Variants in RBM45 observed in about 807,000 individuals in gnomAD.
The protein encoded by RBM45 is RNA-binding protein 45.
RBM45 carries 39 observed loss-of-function variants against 58.5 expected under a neutral mutation model. The observed-to-expected ratio is 0.67, with a 90% CI of 0.52 to 0.87. The LOEUF (loss-of-function observed/expected upper bound fraction) is 0.87, where lower values mean the gene tolerates loss of function less well. RBM45 is among the 40% of genes least tolerant of loss of function. The pLI is 0.00. For synonymous variants in RBM45, 193 were observed against 203.0 expected (o/e 0.95, Z 0.42); for missense variants, 481 against 581.6 (o/e 0.83, Z 1.78).
intron 2 of RBM45, 46 bp from the exon 3 acceptor site, chr2:178,118,009 C>A: frequency 1.4e-6 from 2 of 1,474,752 alleles, no homozygotes; most frequent in South Asian, 1.5e-5. Context: ...ATACTCTGTT[C>A]AATTAATTTT....
At chr2:178,120,219 A>G in intron 3 of RBM45, 68 bp from the exon 4 acceptor site, 1 of 1,589,528 alleles carries the variant, frequency 6.3e-7, no homozygotes, top group South Asian at 1.1e-5. Context: ...GTCAGGCACT[A>G]GCAATCAAGT....
At chr2:178,119,601 T>C (rs13006877) in intron 3 of RBM45, among the ~76,000 whole-genome samples, 66,232 of 152,114 alleles carry the variant, frequency 0.44, 15,836 homozygotes, top group East Asian at 0.66. Flanking sequence ...CTAACCCCAC[T>C]GTATTAATGA....
exon 4 of RBM45, chr2:178,138,126 C>T (rs1347427282): frequency 6.6e-6 from 1 of 152,176 alleles, no homozygotes; most frequent in Non-Finnish European, 1.5e-5. Flanking sequence ...AACTACTTTT[C>T]AGAATCCTGT....
At chr2:178,131,271 A>C (rs889007925), downstream of RBM45, among the ~76,000 whole-genome samples, 4 of 152,250 alleles carry the variant, frequency 2.6e-5, no homozygotes, top group Admixed American at 2.6e-4. Flanking sequence ...CCATGTAACT[A>C]ATGCTTGAAT....
intron 6 of RBM45, 23 bp downstream of exon 6, chr2:178,123,674 C>T: frequency 1.3e-6 from 2 of 1,590,926 alleles, no homozygotes; most frequent in African/African-American, 2.7e-5. Context: ...CCAGGAGTGT[C>T]TAAAGCCGAG....
At chr2:178,137,386 A>C (rs772653336) in exon 4 of RBM45, 4 of 152,202 alleles carry the variant, frequency 2.6e-5, no homozygotes, top group Non-Finnish European at 4.4e-5. Context: ...GCATATATCC[A>C]ACAAAGATGT....
At chr2:178,135,358 C>G (rs1421370026) in intron 3 of RBM45, among the ~76,000 whole-genome samples, 3 of 152,224 alleles carry the variant, frequency 2.0e-5, no homozygotes, top group African/African-American at 4.8e-5. Flanking sequence ...TCACCAACTC[C>G]TACCAGGATT....
At chr2:178,130,940 A>T (rs966913200), downstream of RBM45, among the ~76,000 whole-genome samples, 5 of 152,148 alleles carry the variant, frequency 3.3e-5, no homozygotes, top group African/African-American at 1.2e-4. Context: ...GAGGCAGAGG[A>T]TGTATTTTAA....
chr2:178,135,931 A>G (rs1043134923), intron 3 of RBM45, among the ~76,000 whole-genome samples: 4 of 152,240 alleles, frequency 2.6e-5, no homozygotes, highest in African/African-American at 9.6e-5. Flanking sequence ...AATTTCTACT[A>G]AATAGAAATT....
chr2:178,133,112 C>T (rs1020319148), downstream of RBM45, among the ~76,000 whole-genome samples: 14 of 152,112 alleles, frequency 9.2e-5, no homozygotes, highest in African/African-American at 2.7e-4. Flanking sequence ...AAGTTGTTTC[C>T]TAGTCTTTTT....
chr2:178,124,887 G>A (rs1298522701), intron 8 of RBM45, among the ~76,000 whole-genome samples: 2 of 152,036 alleles, frequency 1.3e-5, no homozygotes, highest in Non-Finnish European at 2.9e-5. Flanking sequence ...TTATGCAGTC[G>A]CATTGTGTAA....
chr2:178,115,882 G>A (rs2087766830), intron 1 of RBM45, among the ~76,000 whole-genome samples: 1 of 152,130 alleles, frequency 6.6e-6, no homozygotes, highest in African/African-American at 2.4e-5. Context: ...GCCCAGCACA[G>A]TGGCTCACAC....
rs1200895660 is a variant in RBM45 at position 178,123,932 on chromosome 2, A to G, written c.1068+20A>G. On this transcript the variant is annotated intron_variant, in intron 7 of 9. Transcript: ENST00000286070. ...TTTATGGTAAGTAGGTAAGAATTTA[A>G]CCTTTATAATATATCAATAGCATAT... is the stretch of plus-strand genomic sequence containing the variant. 4.4e-6 allele frequency: 7 copies of G among 1,592,564 alleles called. No individual in the cohort carries two copies. The South Asian group carries it at 7.7e-5, about 18-fold the overall frequency.
downstream of RBM45, among the ~76,000 whole-genome samples, chr2:178,130,034 G>A (rs938121072): frequency 1.3e-5 from 2 of 152,064 alleles, no homozygotes; most frequent in African/African-American, 4.8e-5. Context: ...ATTTTGTGAA[G>A]CTCTAAGATT....
chr2:178,112,802 A>T lies in RBM45; in HGVS notation c.256A>T (p.Met86Leu), dbSNP rs756208284. The change falls in exon 1 of 10, where the codon ATG (methionine) becomes TTG (leucine). Residue 86 changes from methionine to leucine, a missense_variant. Met to Leu is a conservative substitution (Grantham distance 15, BLOSUM62 2). Transcript: ENST00000286070. Reference sequence around the variant, plus strand: ...ACAGGCCTGCAGGGCCATGGAGGAGATGCATGGCCAGTGCCTCGGCCCCAA... The same window carrying T: ...ACAGGCCTGCAGGGCCATGGAGGAGTTGCATGGCCAGTGCCTCGGCCCCAA... ...SSQACRAMEE[M>L]HGQCLGPNDT... 4 of 1,612,956 alleles carry T rather than the reference A, an allele frequency of 2.5e-6. No homozygotes were observed. In the South Asian group the frequency reaches 4.4e-5, roughly 18 times the overall value.
intron 8 of RBM45, chr2:178,125,598 G>A (rs932586536): frequency 2.3e-5 from 9 of 386,406 alleles, no homozygotes; most frequent in African/African-American, 1.3e-4. Flanking sequence ...ATGTCAGAAC[G>A]GCTCTAGAGC....
At chr2:178,116,236 T>G (rs1234132525) in intron 1 of RBM45, 26 bp from the exon 2 acceptor site, 4 of 1,546,474 alleles carry the variant, frequency 2.6e-6, no homozygotes, top group East Asian at 2.3e-5. Flanking sequence ...CATTATTTTA[T>G]TTTGGGAGTT....
At chr2:178,121,411 C>T (rs201783668) in intron 5 of RBM45, 52 bp downstream of exon 5, 208,629 of 436,782 alleles carry the variant, frequency 0.48, 42,745 homozygotes, top group South Asian at 0.57. Flanking sequence ...TATACACACA[C>T]ACACACACAC....
In RBM45 at chr2:178,118,046, C is replaced by A; in HGVS notation, c.424-9C>A. On this transcript the variant is annotated splice_polypyrimidine_tract_variant and intron_variant, in intron 2 of 9. Transcript: ENST00000286070. ...AGTCCCCTAAAATCATGTCTTTTAA[C>A]TCTCTTAGGTGTATGGAGATATCGA... is the stretch of plus-strand genomic sequence containing the variant. The A allele has an allele frequency of 2.6e-6, 4 of 1,558,564 alleles. No homozygotes were observed. The highest frequency in any genetic ancestry group is 3.5e-6 in the Non-Finnish European group (4 of 1,152,444).
Sources: allele counts gnomAD v4.1 joint callset (sites outside exome capture counted in the v4.1 genomes callset), GRCh38; gene constraint gnomAD v4.1.1; transcripts MANE v1.5; gene names NCBI Gene and HGNC (gene_info 2026-07-23, HGNC 2026-07-21).